The following C2CD3 variants were observed in gnomAD, a reference collection of about 807,000 sequenced individuals.
The protein encoded by C2CD3 is C2 domain containing 3 centriole elongation regulator, also known as C2 domain-containing protein 3.
A neutral mutation model predicts 234.0 loss-of-function variants in C2CD3; 148 were observed. That is an observed-to-expected ratio of 0.63 (90% CI 0.55 to 0.72). The LOEUF is 0.72. Among genes scored for constraint, C2CD3 ranks in the 30% least tolerant of loss-of-function variants. The probability of loss-of-function intolerance (pLI) is 0.00; values close to 1 mark genes in which losing one functional copy is unlikely to be tolerated. For synonymous variants in C2CD3, 1,000 were observed against 1,035.4 expected (o/e 0.97, Z 0.66); for missense variants, 2,577 against 2,811.5 (o/e 0.92, Z 1.89).
At position 74,103,416 on chromosome 11, in the gene C2CD3, G is replaced by C. The variant is rs757665195; in HGVS notation, c.2295C>G (p.Leu765=). 1.9e-6 allele frequency: 3 copies of C among 1,614,068 alleles called. No homozygotes were observed. In the Admixed American group the frequency reaches 5.0e-5, roughly 27 times the overall value. ...ETAKKAQNLV[L]PNRKSPSPVA... ...CAGGGCTTGGTGACTTTCGGTTGGG[G>C]AGCACCAAGTTCTGTGCTTTCTTTG... The change falls in exon 14 of 33, where the codon CTC becomes CTG. Residue 765 remains leucine (L), a synonymous_variant. Coordinates refer to ENST00000334126, the MANE Select transcript of C2CD3 (RefSeq NM_001286577.2).
chr11:74,062,955 C>T (rs1334386936), intron 24 of C2CD3, among the ~76,000 whole-genome samples: 1 of 152,150 alleles, frequency 6.6e-6, no homozygotes, highest in Non-Finnish European at 1.5e-5. Flanking sequence ...GATATCACTA[C>T]TCATCCCACA....
intron 16 of C2CD3, 26 bp from the exon 17 acceptor site, chr11:74,095,434 T>C (rs773177793): frequency 6.3e-7 from 1 of 1,589,388 alleles, no homozygotes; most frequent in East Asian, 2.2e-5. Context: ...GAAACACTGG[T>C]GAGCTTTAAA....
At chr11:74,070,731 T>C (rs1227124353) in intron 24 of C2CD3, 1 of 152,220 alleles carries the variant, frequency 6.6e-6, no homozygotes, top group Non-Finnish European at 1.5e-5. Flanking sequence ...GTCAGTCATG[T>C]AGCATACAAA....
intron 26 of C2CD3, among the ~76,000 whole-genome samples, chr11:74,052,455 T>C (rs1306260699): frequency 6.6e-6 from 1 of 152,226 alleles, no homozygotes; most frequent in Non-Finnish European, 1.5e-5. Flanking sequence ...GTTATTATAG[T>C]AAACAGCAGA....
chr11:74,094,093 T>C, intron 17 of C2CD3, 94 bp from the exon 18 acceptor site: 1 of 998,058 alleles, frequency 1.0e-6, no homozygotes, highest in South Asian at 1.8e-5. Context: ...ACTTAGTAAT[T>C]CCCTAGTAGT....
At chr11:74,154,373 C>G (rs1282229873) in intron 3 of C2CD3, among the ~76,000 whole-genome samples, 4 of 151,988 alleles carry the variant, frequency 2.6e-5, no homozygotes, top group Non-Finnish European at 5.9e-5. Context: ...TAAATCTATG[C>G]TTCTGAGTTG....
rs189639981 is a variant in C2CD3 at position 74,070,252 on chromosome 11, T to C, written c.4951+4001A>G. Among the ~76,000 whole-genome samples, 502 of 152,354 alleles carry C rather than the reference T, an allele frequency of 3.3e-3. 7 individuals carry two copies. The highest frequency in any genetic ancestry group is 0.013 in the South Asian group (65 of 4,822). On this transcript the variant is annotated intron_variant, in intron 24 of 32. Coordinates refer to ENST00000334126, the MANE Select transcript of C2CD3 (RefSeq NM_001286577.2). The stretch of plus-strand genomic sequence containing the variant: ...TAACATAAGTATCCAAGAAGTTCTT[T>C]TATTTTCAGAACCAGGACTACAGTG...
chr11:74,081,833 G>A (rs1399846420), intron 22 of C2CD3, among the ~76,000 whole-genome samples: 4 of 152,176 alleles, frequency 2.6e-5, no homozygotes, highest in African/African-American at 7.2e-5. Flanking sequence ...CATTGATTTT[G>A]TATCCTGAGA....
intron 1 of C2CD3, among the ~76,000 whole-genome samples, chr11:74,170,319 C>T (rs1857088732): frequency 6.6e-6 from 1 of 152,140 alleles, no homozygotes; most frequent in Non-Finnish European, 1.5e-5. Flanking sequence ...TGTACTAATC[C>T]TTGGTCATTC....
intron 26 of C2CD3, among the ~76,000 whole-genome samples, chr11:74,053,960 G>T (rs1953825779): frequency 2.0e-5 from 3 of 151,802 alleles, no homozygotes; most frequent in Admixed American, 6.6e-5. Flanking sequence ...GCAACATAGT[G>T]AGACCTTGTC....
At chr11:74,091,199 A>C (rs1301971825) in intron 19 of C2CD3, 1 of 321,654 alleles carries the variant, frequency 3.1e-6, no homozygotes, top group Non-Finnish European at 5.7e-6. Context: ...TACTGAAGGC[A>C]GAACTTAACT....
chr11:74,123,489 A>G (rs1293997300), intron 7 of C2CD3, among the ~76,000 whole-genome samples: 2 of 152,190 alleles, frequency 1.3e-5, no homozygotes, highest in Non-Finnish European at 2.9e-5. Context: ...GGGAGAAAAA[A>G]GGGTATAATT....
intron 26 of C2CD3, 64 bp downstream of exon 26, chr11:74,054,543 A>AT (rs1203885507): frequency 8.1e-6 from 5 of 615,176 alleles, no homozygotes; most frequent in Non-Finnish European, 1.4e-5. Context: ...GGAATGGTAG[A>AT]TTGTTAACAG....
At chr11:74,058,559 C>G (rs113914169) in intron 24 of C2CD3, among the ~76,000 whole-genome samples, 10 of 152,194 alleles carry the variant, frequency 6.6e-5, no homozygotes, top group African/African-American at 2.4e-4. Context: ...AATGGTAGAA[C>G]TGAGAGTCCA....
At chr11:74,084,126 AG>A (rs1379377572) in intron 22 of C2CD3, among the ~76,000 whole-genome samples, 1 of 152,226 alleles carries the variant, frequency 6.6e-6, no homozygotes, top group Non-Finnish European at 1.5e-5. Context: ...GAAAGGGATG[AG>A]TTCATGTCCT....
At chr11:74,106,320 T>A (rs747606888) in intron 13 of C2CD3, 51 bp downstream of exon 13, 12 of 1,595,288 alleles carry the variant, frequency 7.5e-6, no homozygotes, top group Non-Finnish European at 7.7e-6. Context: ...TGCCAGCCAA[T>A]AATGCATACT....
chr11:74,047,642 C>G (rs1282878777), intron 28 of C2CD3, among the ~76,000 whole-genome samples: 1 of 152,190 alleles, frequency 6.6e-6, no homozygotes, highest in Non-Finnish European at 1.5e-5. Flanking sequence ...GGGCAAGATT[C>G]CTTGCCCTTT....
intron 1 of C2CD3, among the ~76,000 whole-genome samples, chr11:74,168,959 T>C (rs899483268): frequency 6.6e-6 from 1 of 152,230 alleles, no homozygotes; most frequent in African/African-American, 2.4e-5. Flanking sequence ...TCAGAAGTAG[T>C]TGACATTTTT....
At chr11:74,133,123 G>T in intron 6 of C2CD3, 151 bp from the exon 7 acceptor site, 1 of 746,392 alleles carries the variant, frequency 1.3e-6, no homozygotes, top group Non-Finnish European at 2.2e-6. Flanking sequence ...ACTTTGCAAA[G>T]CTCTTTCCTA....
Sources: allele counts gnomAD v4.1 joint callset (sites outside exome capture counted in the v4.1 genomes callset), GRCh38; gene constraint gnomAD v4.1.1; transcripts MANE v1.5; gene names NCBI Gene and HGNC (gene_info 2026-07-23, HGNC 2026-07-21).